Variants in RAD51AP2 observed in about 807,000 individuals in gnomAD.
RAD51AP2 encodes the protein RAD51-associated protein 2.
In RAD51AP2, 67 loss-of-function variants were observed where a neutral mutation model predicts 85.5. That is an observed-to-expected ratio of 0.78 (90% CI 0.64 to 0.96). RAD51AP2 has a LOEUF of 0.96. Ranked by LOEUF, RAD51AP2 falls within the 40% of genes least tolerant of loss-of-function variation. The pLI, the probability that RAD51AP2 is intolerant of heterozygous loss-of-function variation, is 0.00. For missense variants in RAD51AP2, 1,307 were observed against 1,332.4 expected, an observed-to-expected ratio of 0.98 and a Z score of 0.30; for synonymous variants, 474 against 446.5, an observed-to-expected ratio of 1.06 and a Z score of -0.78.
chr2:17,520,877 T>C (rs1298173914), upstream of RAD51AP2, among the ~76,000 whole-genome samples: 1 of 152,044 alleles, frequency 6.6e-6, no homozygotes, highest in Non-Finnish European at 1.5e-5. Flanking sequence ...TATTAAGCCT[T>C]AAATGGCCCT....
chr2:17,510,781 T>G lies in RAD51AP2; in HGVS notation c.*23A>C. The G allele has an allele frequency of 6.8e-7, 1 of 1,475,402 alleles. No individual in the cohort carries two copies. Among genetic ancestry groups the G allele is most frequent in the Non-Finnish European group, 9.2e-7 (1 of 1,081,460 alleles). 91.4% of individuals were successfully genotyped at this position (1,475,402 alleles called of 1,614,324 possible). ...GAAAACAAAACATTTCTAGATGTTG[T>G]AAAATGTTTTGAAATATGAAAGTCA... On this transcript the variant is annotated 3_prime_UTR_variant, in exon 3 of 3. Transcript: ENST00000399080.
At chr2:17,529,275 T>A in the RAD51AP2 span, among the ~76,000 whole-genome samples, 4 of 140,420 alleles carry the variant, frequency 2.8e-5, no homozygotes, top group Non-Finnish European at 5.0e-5. Context: ...ATAAATAAAT[T>A]ACTTAAAATT....
At chr2:17,514,253 T>G (rs1662579572) in intron 1 of RAD51AP2, among the ~76,000 whole-genome samples, 161 bp from the exon 2 acceptor site, 1 of 152,224 alleles carries the variant, frequency 6.6e-6, no homozygotes, top group Non-Finnish European at 1.5e-5. Flanking sequence ...AATTAACTTG[T>G]TTCCTTCAAC....
chr2:17,517,198 A>C lies in RAD51AP2; in HGVS notation c.1218T>G (p.Asn406Lys), dbSNP rs774792563. ...DCNVRHILRRNRGNCWIINNC... is the reference protein window; with the variant it reads ...DCNVRHILRRKRGNCWIINNC... ...TATTTATAATCCAACAATTTCCTCTATTTCTTCTCAAAATATGTCTAACGT... is the reference window on the plus strand; with the variant it reads ...TATTTATAATCCAACAATTTCCTCTCTTTCTTCTCAAAATATGTCTAACGT... The change falls in exon 1 of 3, where the codon AAT (asparagine) becomes AAG (lysine). Residue 406 changes from asparagine (N) to lysine (K), a missense_variant. Transcript: ENST00000399080. 1.9e-6 allele frequency: 3 copies of C among 1,612,566 alleles called. No individual in the cohort carries two copies. The East Asian group carries it at 6.7e-5, about 36-fold the overall frequency.
upstream of RAD51AP2, among the ~76,000 whole-genome samples, chr2:17,521,708 A>G (rs1223552581): frequency 2.6e-5 from 4 of 152,036 alleles, no homozygotes; most frequent in Non-Finnish European, 4.4e-5. Flanking sequence ...TATCAGCGCA[A>G]TAATGGTAAT....
rs940231496 is a variant in RAD51AP2, at chr2:17,513,276, C to T, written c.3328+736G>A. On this transcript the variant is annotated intron_variant, in intron 2 of 2. Transcript: ENST00000399080. ...TTTTTTTGACAGAATCTCACTCTGT[C>T]GCCCAGGCTGGAGTGCAGTGGCTCA... Among the ~76,000 whole-genome samples the T allele has an allele frequency of 9.1e-4, 115 of 126,140 alleles. 1 individual carries two copies. The highest frequency in any genetic ancestry group is 1.0e-3 in the Non-Finnish European group (64 of 62,748). 82.8% of individuals were successfully genotyped at this position (126,140 alleles called of 152,430 possible).
intron 2 of RAD51AP2, among the ~76,000 whole-genome samples, chr2:17,512,718 A>T (rs1424285629): frequency 3.9e-5 from 6 of 152,230 alleles, no homozygotes; most frequent in Non-Finnish European, 8.8e-5. Flanking sequence ...CCCTAGAAGA[A>T]GCAAACCCTA....
the RAD51AP2 span, among the ~76,000 whole-genome samples, chr2:17,535,799 G>C: frequency 9.9e-5 from 15 of 152,112 alleles, no homozygotes; most frequent in African/African-American, 3.6e-4. Flanking sequence ...ATGCTCTATA[G>C]GTAGTTTTAA....
chr2:17,516,914 T>C lies in RAD51AP2; in HGVS notation c.1502A>G (p.His501Arg). Residue 501 changes from histidine (H) to arginine (R), a missense_variant, in exon 1 of 3, where the codon CAT (histidine) becomes CGT (arginine). Coordinates refer to ENST00000399080, the MANE Select transcript of RAD51AP2 (RefSeq NM_001099218.3). ...LRYNTTQKVF[H>R]VNNPFESFII... ...GAAACTTTCAAAAGGGTTGTTCACA[T>C]GAAAGACTTTTTGTGTAGTATTGTA... is the stretch of plus-strand genomic sequence containing the variant. 2.5e-6 allele frequency: 4 copies of C among 1,594,272 alleles called. No individual in the cohort carries two copies. The highest frequency in any genetic ancestry group is 1.7e-4 in the Middle Eastern group (1 of 5,962).
intron 2 of RAD51AP2, among the ~76,000 whole-genome samples, chr2:17,511,577 A>G (rs1469200614): frequency 6.8e-6 from 1 of 147,040 alleles, no homozygotes; most frequent in Non-Finnish European, 1.5e-5. Flanking sequence ...GGTTTTTTAA[A>G]TAAACTGTGG....
chr2:17,517,567 ATTCT>A lies in RAD51AP2; in HGVS notation c.845_848del (p.Lys282MetfsTer35). ...CCCTAACATATGCCTCTTTTTTGTCATTCTTTTTCTTCGCTATTTCCTTTAAATA... is the reference window on the plus strand; with the variant it reads ...CCCTAACATATGCCTCTTTTTTGTCATTTTCTTCGCTATTTCCTTTAAATA... On this transcript the variant is annotated frameshift_variant, in exon 1 of 3. Coordinates refer to ENST00000399080, the MANE Select transcript of RAD51AP2 (RefSeq NM_001099218.3). LOFTEE classifies it high-confidence loss of function. 6.2e-7 allele frequency: 1 copy of A among 1,613,014 alleles called. No individual in the cohort carries two copies. Among genetic ancestry groups the A allele is most frequent in the South Asian group, 1.1e-5 (1 of 90,732 alleles).
the RAD51AP2 span, among the ~76,000 whole-genome samples, chr2:17,527,722 G>C: frequency 6.6e-6 from 1 of 152,180 alleles, no homozygotes; most frequent in Non-Finnish European, 1.5e-5. Flanking sequence ...GGGGAGTAGA[G>C]AGGTTGAACT....
rs764677124 is a variant in RAD51AP2 at position 17,516,375 on chromosome 2, T to C, written c.2041A>G (p.Ile681Val). 4.3e-6 allele frequency: 7 copies of C among 1,611,936 alleles called. 1 individual carries two copies. The Admixed American group carries it at 6.7e-5, about 15-fold the overall frequency. ...SMTTQNTGFPIFETYEKIPLL... is the reference protein window; with the variant it reads ...SMTTQNTGFPVFETYEKIPLL... The stretch of plus-strand genomic sequence containing the variant: ...GGAATTTTTTCATATGTTTCAAAAA[T>C]CGGAAAACCTGTATTTTGAGTTGTC... Residue 681 changes from isoleucine to valine, a missense_variant, in exon 1 of 3, where the codon ATT becomes GTT. Physicochemically the swap from Ile to Val is conservative, Grantham distance 29. Transcript: ENST00000399080.
At position 17,516,597 on chromosome 2, in the gene RAD51AP2, A is replaced by G. The variant is rs747986163; in HGVS notation, c.1819T>C (p.Cys607Arg). 2.5e-6 allele frequency: 4 copies of G among 1,580,646 alleles called. No homozygotes were observed. Among genetic ancestry groups the G allele is most frequent in the South Asian group, 1.2e-5 (1 of 84,934 alleles). ...AAATAAAGCATGCACTTGAAAATGC[A>G]TTCCTCTTCTAATTCAAAATCATTT... ...IENDFELEEE[C>R]IFKCMLYLKY... The change falls in exon 1 of 3, where the codon TGC becomes CGC. Residue 607 changes from cysteine to arginine, a missense_variant. By Grantham distance (180) the Cys-to-Arg change is radical. Around this residue, in one of 3 missense-constraint regions of RAD51AP2, gnomAD observed 668 missense variants for 671.0 expected, o/e 1.00. Transcript: ENST00000399080.
At chr2:17,514,543 G>GCA (rs997665824) in intron 1 of RAD51AP2, among the ~76,000 whole-genome samples, 1 of 151,188 alleles carries the variant, frequency 6.6e-6, no homozygotes, top group African/African-American at 2.4e-5. Context: ...CGGCGGGGGG[G>GCA]GTGGATCACA....
At chr2:17,524,395 G>A in the RAD51AP2 span, among the ~76,000 whole-genome samples, 16 of 152,046 alleles carry the variant, frequency 1.1e-4, no homozygotes, top group African/African-American at 3.4e-4. Context: ...TAGGATAAGC[G>A]CTACAGTAAA....
intron 2 of RAD51AP2, among the ~76,000 whole-genome samples, chr2:17,513,540 T>C (rs1310007548): frequency 6.6e-6 from 1 of 152,166 alleles, no homozygotes; most frequent in Non-Finnish European, 1.5e-5. Context: ...CCTGGCCTAG[T>C]TGTATTTTTA....
Position 17,515,832 on chromosome 2 carries a change from CT to C in RAD51AP2, c.2583del (p.Asp862IlefsTer17). 1 of 1,607,950 alleles carries C rather than the reference CT, an allele frequency of 6.2e-7. No individual in the cohort carries two copies. Among genetic ancestry groups the C allele is most frequent in the Non-Finnish European group, 8.5e-7 (1 of 1,176,010 alleles). The part of the protein sequence containing the change: ...HKDTKIEKEE[K>X]DSFFPMDDMF... The stretch of plus-strand genomic sequence containing the variant: ...ATGTCATCCATTGGAAAAAAACTAT[CT>C]TTCTCTTCCTTTTCTATCTTAGTAT... On this transcript the variant is annotated frameshift_variant, in exon 1 of 3. Coordinates refer to ENST00000399080, the MANE Select transcript of RAD51AP2 (RefSeq NM_001099218.3). LOFTEE classifies it high-confidence loss of function.
intron 2 of RAD51AP2, among the ~76,000 whole-genome samples, chr2:17,512,610 A>G (rs1662523917): frequency 6.6e-6 from 1 of 152,198 alleles, no homozygotes; most frequent in Admixed American, 6.5e-5. Flanking sequence ...TTTTATTATC[A>G]CAATTATAAT....
Sources: allele counts gnomAD v4.1 joint callset (sites outside exome capture counted in the v4.1 genomes callset), GRCh38; gene constraint gnomAD v4.1.1; regional missense constraint gnomAD v4.1.1; transcripts MANE v1.5; gene names NCBI Gene and HGNC (gene_info 2026-07-23, HGNC 2026-07-21).